Variants in SYT1 observed in about 807,000 individuals in gnomAD.
SYT1 encodes synaptotagmin-1.
A neutral mutation model predicts 44.8 loss-of-function variants in SYT1; 8 were observed. That is an observed-to-expected ratio of 0.18 (90% CI 0.10 to 0.32). SYT1 has a LOEUF of 0.32. Among genes scored for constraint, SYT1 ranks in the 10% least tolerant of loss-of-function variants. The pLI, the probability that SYT1 is intolerant of heterozygous loss-of-function variation, is 1.00. For missense variants in SYT1, 286 were observed against 509.3 expected, an observed-to-expected ratio of 0.56 and a Z score of 4.22; for synonymous variants, 154 against 188.8, an observed-to-expected ratio of 0.82 and a Z score of 1.51.
intron 3 of SYT1, among the ~76,000 whole-genome samples, chr12:79,088,527 G>A (rs767253441): frequency 2.6e-5 from 4 of 152,002 alleles, no homozygotes; most frequent in African/African-American, 4.8e-5. Context: ...AAAAAGAAAC[G>A]AAGTTGAAAG....
intron 3 of SYT1, among the ~76,000 whole-genome samples, chr12:79,102,408 T>C (rs756722386): frequency 5.9e-5 from 9 of 152,148 alleles, no homozygotes; most frequent in Non-Finnish European, 1.2e-4. Flanking sequence ...AGACTTCTGT[T>C]GTTCCTTTTC....
chr12:79,368,956 G>C (rs955083267), intron 9 of SYT1, among the ~76,000 whole-genome samples: 2 of 152,152 alleles, frequency 1.3e-5, no homozygotes, highest in African/African-American at 4.8e-5. Flanking sequence ...TGGTGTTTTA[G>C]ACATGAAGTC....
At chr12:78,924,298 T>G (rs1191098319) in intron 1 of SYT1, among the ~76,000 whole-genome samples, 1 of 151,924 alleles carries the variant, frequency 6.6e-6, no homozygotes, top group East Asian at 1.9e-4. Context: ...CTGCCAATAA[T>G]TTCAATGTAG....
chr12:78,931,938 G>A (rs773057204), intron 1 of SYT1, among the ~76,000 whole-genome samples: 2 of 152,176 alleles, frequency 1.3e-5, no homozygotes, highest in Non-Finnish European at 2.9e-5. Flanking sequence ...GTTAGTACAA[G>A]AGCCACTTTC....
intron 2 of SYT1, among the ~76,000 whole-genome samples, chr12:79,002,069 G>A (rs1296574944): frequency 6.6e-6 from 1 of 152,058 alleles, no homozygotes; most frequent in African/African-American, 2.4e-5. Flanking sequence ...AAAAAACACT[G>A]CTACAGTTGC....
At chr12:79,199,703 T>G (rs569559508) in intron 3 of SYT1, among the ~76,000 whole-genome samples, 1 of 152,218 alleles carries the variant, frequency 6.6e-6, no homozygotes, top group African/African-American at 2.4e-5. Context: ...TATAACAGAG[T>G]AATGCAAAAT....
In SYT1 at chr12:78,904,317, A is replaced by AG. The variant is rs200770021; in HGVS notation, c.-217+39209dup. Reference sequence around the variant, plus strand: ...GTTACATGTGATTTATCCATTGGAAAGCTAATGGAAAGCTTAGATACATTG... The same window carrying AG: ...GTTACATGTGATTTATCCATTGGAAAGGCTAATGGAAAGCTTAGATACATTG... On this transcript the variant is annotated intron_variant, in intron 1 of 10. Coordinates refer to ENST00000261205, the MANE Select transcript of SYT1 (RefSeq NM_005639.3). 1.4e-3 allele frequency among the ~76,000 whole-genome samples: 212 copies of AG among 152,284 alleles called. 5 individuals carry two copies. The East Asian group carries it at 0.031, about 22-fold the overall frequency.
At chr12:79,365,591 T>C (rs1371088737) in intron 9 of SYT1, among the ~76,000 whole-genome samples, 1 of 152,154 alleles carries the variant, frequency 6.6e-6, no homozygotes, top group African/African-American at 2.4e-5. Flanking sequence ...AAAGAGTTTC[T>C]ACATATCAGT....
chr12:79,371,652 G>T (rs1883795246), intron 9 of SYT1, among the ~76,000 whole-genome samples: 1 of 152,186 alleles, frequency 6.6e-6, no homozygotes, highest in African/African-American at 2.4e-5. Flanking sequence ...ATACAAAAAA[G>T]AGTGGCCGTG....
At chr12:79,032,678 G>A (rs1321567966) in intron 2 of SYT1, among the ~76,000 whole-genome samples, 2 of 151,162 alleles carry the variant, frequency 1.3e-5, no homozygotes, top group East Asian at 1.9e-4. Flanking sequence ...TGTGATAGAT[G>A]GTGTTACAAG....
chr12:79,135,604 C>A (rs1472774809), intron 3 of SYT1, among the ~76,000 whole-genome samples: 1 of 151,992 alleles, frequency 6.6e-6, no homozygotes, highest in Non-Finnish European at 1.5e-5. Context: ...ACTTGGGAAG[C>A]CTTTTGGATA....
chr12:78,997,693 A>C (rs1010337906), intron 2 of SYT1, among the ~76,000 whole-genome samples: 3 of 148,832 alleles, frequency 2.0e-5, no homozygotes, highest in African/African-American at 7.5e-5. Flanking sequence ...TTGAGAAATG[A>C]GGAAGAAAAC....
chr12:79,352,213 G>T (rs1465284495), intron 8 of SYT1, among the ~76,000 whole-genome samples: 1 of 151,916 alleles, frequency 6.6e-6, no homozygotes, highest in African/African-American at 2.4e-5. Context: ...AAAACGGGGG[G>T]GAATTACATT....
At chr12:78,931,987 A>G (rs971891039) in intron 1 of SYT1, among the ~76,000 whole-genome samples, 2 of 142,362 alleles carry the variant, frequency 1.4e-5, no homozygotes, top group African/African-American at 2.7e-5. Flanking sequence ...TATCCTAAAG[A>G]TGAGCACATC....
intron 1 of SYT1, among the ~76,000 whole-genome samples, chr12:78,866,152 CTT>C (rs1223203378): frequency 1.3e-5 from 2 of 152,130 alleles, no homozygotes; most frequent in Non-Finnish European, 2.9e-5. Flanking sequence ...AACTGTTTAA[CTT>C]TTGTATGGAA....
Position 79,184,664 on chromosome 12 carries a change from A to G in SYT1, c.-17-32839A>G, listed in dbSNP as rs551645419. 6.2e-4 allele frequency among the ~76,000 whole-genome samples: 94 copies of G among 152,186 alleles called. No individual in the cohort carries two copies. In the South Asian group the frequency reaches 0.018, roughly 30 times the overall value. Reference sequence around the variant, plus strand: ...ACTGTAAACTATATTAAGAGATAATATCCAGCATTCAGAATATCTAAGATG... The same window carrying G: ...ACTGTAAACTATATTAAGAGATAATGTCCAGCATTCAGAATATCTAAGATG... On this transcript the variant is annotated intron_variant, in intron 3 of 10. Coordinates refer to ENST00000261205, the MANE Select transcript of SYT1 (RefSeq NM_005639.3).
At chr12:79,353,798 C>A (rs1310828524) in intron 9 of SYT1, among the ~76,000 whole-genome samples, 179 bp downstream of exon 9, 1 of 152,188 alleles carries the variant, frequency 6.6e-6, no homozygotes, top group African/African-American at 2.4e-5. Context: ...ACTCTCAATT[C>A]ATAGGAATTA....
At chr12:79,073,630 T>A (rs925425774) in intron 3 of SYT1, among the ~76,000 whole-genome samples, 1 of 152,066 alleles carries the variant, frequency 6.6e-6, no homozygotes, top group Non-Finnish European at 1.5e-5. Context: ...AGAAGAATGG[T>A]AGGTCTCTCC....
chr12:78,894,525 G>A (rs75479986), intron 1 of SYT1, among the ~76,000 whole-genome samples: 14 of 150,720 alleles, frequency 9.3e-5, no homozygotes, highest in South Asian at 2.1e-4. Context: ...ATTTTGATAC[G>A]CATCAAAATA....
Sources: allele counts gnomAD v4.1 joint callset (sites outside exome capture counted in the v4.1 genomes callset), GRCh38; gene constraint gnomAD v4.1.1; transcripts MANE v1.5; gene names NCBI Gene and HGNC (gene_info 2026-07-23, HGNC 2026-07-21).